Variants in ACYP2 observed in about 807,000 individuals in gnomAD.
ACYP2 encodes the protein acylphosphatase 2, also known as acylphosphatase-2.
Under a neutral mutation model 11.2 loss-of-function variants are expected in ACYP2, and 12 were observed. The ratio of observed to expected loss-of-function variants is 1.08; its 90% CI spans 0.69 to 1.74. The LOEUF is 1.74. ACYP2 is among the 40% of genes most tolerant of loss of function. The probability of loss-of-function intolerance (pLI) is 0.00; values close to 1 mark genes in which losing one functional copy is unlikely to be tolerated. For synonymous variants in ACYP2, 43 were observed against 32.2 expected (o/e 1.33, Z -1.13); for missense variants, 134 against 101.9 (o/e 1.31, Z -1.35).
chr2:54,176,765 C>T (rs1558589347), intron 6 of ACYP2, among the ~76,000 whole-genome samples: 1 of 152,140 alleles, frequency 6.6e-6, no homozygotes, highest in Admixed American at 6.6e-5. Context: ...TTGACCTTGG[C>T]CTCAGGGGGG....
At chr2:54,053,378 A>G (rs1675963636) in intron 3 of ACYP2, among the ~76,000 whole-genome samples, 1 of 152,162 alleles carries the variant, frequency 6.6e-6, no homozygotes, top group Non-Finnish European at 1.5e-5. Context: ...GTTGCTGTGG[A>G]AGGCCTCCCC....
At chr2:54,256,949 G>A (rs897445182) in intron 6 of ACYP2, among the ~76,000 whole-genome samples, 1 of 152,198 alleles carries the variant, frequency 6.6e-6, no homozygotes, top group Non-Finnish European at 1.5e-5. Context: ...TTACAGGCAT[G>A]AGCAACCGTA....
At chr2:54,158,089 G>A (rs560632709) in intron 6 of ACYP2, among the ~76,000 whole-genome samples, 1 of 151,846 alleles carries the variant, frequency 6.6e-6, no homozygotes, top group African/African-American at 2.4e-5. Flanking sequence ...GCAATGACAG[G>A]ATCTCTGTTC....
At chr2:54,073,023 C>A (rs960062032) in intron 4 of ACYP2, among the ~76,000 whole-genome samples, 1 of 152,136 alleles carries the variant, frequency 6.6e-6, no homozygotes, top group African/African-American at 2.4e-5. Context: ...GAGTGTGGTA[C>A]TGACAAAAGG....
At chr2:53,990,124 A>C (rs773127710) in intron 2 of ACYP2, among the ~76,000 whole-genome samples, 1 of 151,420 alleles carries the variant, frequency 6.6e-6, no homozygotes, top group Non-Finnish European at 1.5e-5. Flanking sequence ...GTCTACAGGC[A>C]TGCACCACTA....
chr2:54,089,953 C>A (rs1207895618), intron 4 of ACYP2, among the ~76,000 whole-genome samples: 1 of 151,660 alleles, frequency 6.6e-6, no homozygotes, highest in Non-Finnish European at 1.5e-5. Context: ...CGAGGCCAGC[C>A]TGGCTAAGAT....
chr2:54,002,780 T>C (rs982462974), intron 2 of ACYP2, among the ~76,000 whole-genome samples: 1 of 151,568 alleles, frequency 6.6e-6, no homozygotes, highest in Admixed American at 6.6e-5. Context: ...GCCTCCTGAG[T>C]AGCTGGGATT....
intron 6 of ACYP2, among the ~76,000 whole-genome samples, chr2:54,181,327 T>C (rs1683714506): frequency 6.6e-6 from 1 of 152,172 alleles, no homozygotes; most frequent in Non-Finnish European, 1.5e-5. Flanking sequence ...AAACCTCATT[T>C]TATGTGTTAT....
At chr2:54,278,978 G>A (rs1688731233) in intron 6 of ACYP2, among the ~76,000 whole-genome samples, 2 of 152,158 alleles carry the variant, frequency 1.3e-5, no homozygotes, top group South Asian at 2.1e-4. Context: ...GTTGATGTCT[G>A]TGATGTACAG....
At chr2:54,118,356 G>A (rs981642539) in intron 4 of ACYP2, among the ~76,000 whole-genome samples, 2 of 151,764 alleles carry the variant, frequency 1.3e-5, no homozygotes, top group African/African-American at 4.8e-5. Context: ...GAAGGAGTCT[G>A]TGTGTGTGTG....
intron 6 of ACYP2, chr2:54,256,304 A>T: frequency 1.3e-6 from 1 of 780,532 alleles, no homozygotes; most frequent in Non-Finnish European, 2.1e-6. Flanking sequence ...CGCGACACTC[A>T]CTCCTCAGTC....
chr2:54,153,460 G>GT (rs3069007), intron 6 of ACYP2, among the ~76,000 whole-genome samples: 15,274 of 132,956 alleles, frequency 0.11, 939 homozygotes, highest in Non-Finnish European at 0.14. Flanking sequence ...GCTACTTAGG[G>GT]TTTTTTTTTT....
chr2:54,193,365 C>T (rs1199548140), intron 6 of ACYP2, among the ~76,000 whole-genome samples: 1 of 152,038 alleles, frequency 6.6e-6, no homozygotes, highest in Non-Finnish European at 1.5e-5. Flanking sequence ...GATCAAACTT[C>T]GTTGATAGAA....
intron 4 of ACYP2, among the ~76,000 whole-genome samples, chr2:54,059,948 A>G (rs1290487456): frequency 6.6e-6 from 1 of 152,124 alleles, no homozygotes; most frequent in African/African-American, 2.4e-5. Flanking sequence ...ACATTCTTTT[A>G]ATGTGCTTGC....
intron 6 of ACYP2, among the ~76,000 whole-genome samples, chr2:54,244,288 G>A (rs1173128095): frequency 1.3e-5 from 2 of 152,070 alleles, no homozygotes; most frequent in Admixed American, 6.6e-5. Flanking sequence ...TGCAACCTCC[G>A]CCTCCTGGGT....
intron 6 of ACYP2, among the ~76,000 whole-genome samples, chr2:54,267,713 T>A (rs1381624085): frequency 6.6e-6 from 1 of 152,216 alleles, no homozygotes; most frequent in Non-Finnish European, 1.5e-5. Context: ...TAGTTTGTTT[T>A]TCCACTTGTG....
At chr2:54,178,919 C>T (rs567870616) in intron 6 of ACYP2, among the ~76,000 whole-genome samples, 12 of 152,186 alleles carry the variant, frequency 7.9e-5, no homozygotes, top group African/African-American at 2.9e-4. Flanking sequence ...TAACAAAATA[C>T]CATAGACTGG....
At chr2:54,059,481 G>A (rs1676352598) in intron 4 of ACYP2, among the ~76,000 whole-genome samples, 1 of 152,064 alleles carries the variant, frequency 6.6e-6, no homozygotes, top group South Asian at 2.1e-4. Flanking sequence ...CAAAGTGCTG[G>A]GATTACAGGT....
At chr2:54,012,390 G>C (rs1673422787) in intron 2 of ACYP2, among the ~76,000 whole-genome samples, 1 of 152,180 alleles carries the variant, frequency 6.6e-6, no homozygotes, top group Non-Finnish European at 1.5e-5. Flanking sequence ...GGTGGCACAT[G>C]CTTGTAGTTC....
Sources: gnomAD v4.1 joint callset for allele counts (sites outside exome capture counted in the v4.1 genomes callset) on GRCh38, gnomAD v4.1.1 for gene constraint, MANE v1.5 for transcripts, NCBI Gene and HGNC (gene_info 2026-07-23, HGNC 2026-07-21) for gene names.